The following TMEM132B variants were observed in gnomAD, a reference collection of about 807,000 sequenced individuals.
TMEM132B encodes the protein transmembrane protein 132B.
In TMEM132B, 18 loss-of-function variants were observed where a neutral mutation model predicts 90.8. The ratio of observed to expected loss-of-function variants is 0.20; its 90% CI spans 0.14 to 0.29. The LOEUF (loss-of-function observed/expected upper bound fraction) is 0.29. Ranked by LOEUF, TMEM132B falls within the 10% of genes least tolerant of loss-of-function variation. TMEM132B has a pLI of 1.00. For missense variants in TMEM132B, 1,096 were observed against 1,326.8 expected, an observed-to-expected ratio of 0.83 and a Z score of 2.70; for synonymous variants, 504 against 523.3, an observed-to-expected ratio of 0.96 and a Z score of 0.50.
chr12:125,269,974 GT>G (rs1458175584), intron 1 of TMEM132B, among the ~76,000 whole-genome samples: 1 of 151,748 alleles, frequency 6.6e-6, no homozygotes, highest in Non-Finnish European at 1.5e-5. Context: ...GAGCCCAGGA[GT>G]TCGAGGCTGC....
chr12:125,298,266 A>ATTCC (rs1875720239), intron 1 of TMEM132B, among the ~76,000 whole-genome samples: 1 of 151,924 alleles, frequency 6.6e-6, no homozygotes, highest in Admixed American at 6.6e-5. Context: ...ACAACAAAAC[A>ATTCC]AAACAAAATG....
chr12:125,606,304 G>C (rs566260677), intron 5 of TMEM132B, among the ~76,000 whole-genome samples: 1 of 145,048 alleles, frequency 6.9e-6, no homozygotes, highest in African/African-American at 2.6e-5. Context: ...GGCAAGGACT[G>C]ATTTCTTTCC....
chr12:125,551,463 T>A (rs1384102084), intron 4 of TMEM132B, among the ~76,000 whole-genome samples: 1 of 152,326 alleles, frequency 6.6e-6, no homozygotes, highest in African/African-American at 2.4e-5. Context: ...TTTTTCAAAA[T>A]TTTTTTCTTA....
rs191190087 is a variant in TMEM132B at position 125,447,637 on chromosome 12, G to A, written c.1106+31960G>A. On this transcript the variant is annotated intron_variant, in intron 3 of 8. Coordinates refer to ENST00000682704, the MANE Select transcript of TMEM132B (RefSeq NM_001366854.1). ...TTTCTTCCTACATCTCTAATCATCT[G>A]GGTTCACTTTTCTTCTGCCTTTATA... 6.6e-5 allele frequency among the ~76,000 whole-genome samples: 10 copies of A among 152,028 alleles called. No homozygotes were observed. In the South Asian group the frequency reaches 1.0e-3, roughly 16 times the overall value.
intron 6 of TMEM132B, among the ~76,000 whole-genome samples, chr12:125,646,090 G>A (rs1886757742): frequency 6.6e-6 from 1 of 152,220 alleles, no homozygotes; most frequent in East Asian, 1.9e-4. Flanking sequence ...GTAGAAATCT[G>A]AACTTCAAAA....
At chr12:125,451,138 G>T (rs1271955038) in intron 3 of TMEM132B, among the ~76,000 whole-genome samples, 1 of 152,142 alleles carries the variant, frequency 6.6e-6, no homozygotes, top group Non-Finnish European at 1.5e-5. Context: ...GGAAAAAATT[G>T]CTATAAAGGA....
At chr12:125,223,237 G>A (rs191103408) in intron 1 of TMEM132B, among the ~76,000 whole-genome samples, 1 of 152,310 alleles carries the variant, frequency 6.6e-6, no homozygotes, top group Admixed American at 6.5e-5. Flanking sequence ...ATGATGCCTT[G>A]AGATATTTTA....
chr12:125,615,347 C>A (rs1265276027), intron 5 of TMEM132B, among the ~76,000 whole-genome samples: 1 of 151,958 alleles, frequency 6.6e-6, no homozygotes, highest in Non-Finnish European at 1.5e-5. Flanking sequence ...ATCTATCTAT[C>A]TATCTAGATG....
At chr12:125,429,896 C>A (rs148986335) in intron 3 of TMEM132B, among the ~76,000 whole-genome samples, 321 of 152,308 alleles carry the variant, frequency 2.1e-3, no homozygotes, top group East Asian at 0.021. Flanking sequence ...GTACTCTTTG[C>A]AAGGAGGGCA....
chr12:125,614,463 T>C (rs560003925), intron 5 of TMEM132B, among the ~76,000 whole-genome samples: 1 of 152,210 alleles, frequency 6.6e-6, no homozygotes, highest in Non-Finnish European at 1.5e-5. Context: ...TTTTTATGGC[T>C]GCATAGTACT....
chr12:125,466,606 G>A (rs897450036), intron 3 of TMEM132B, among the ~76,000 whole-genome samples: 2 of 152,232 alleles, frequency 1.3e-5, no homozygotes, highest in African/African-American at 4.8e-5. Flanking sequence ...ATGTTTCACA[G>A]GAGAATGACT....
intron 1 of TMEM132B, among the ~76,000 whole-genome samples, chr12:125,241,922 C>T (rs539305417): frequency 2.6e-5 from 4 of 152,258 alleles, no homozygotes; most frequent in Admixed American, 6.5e-5. Context: ...CAAATGAAAT[C>T]GGACTAGAAG....
At chr12:125,489,242 G>C (rs541847365) in intron 3 of TMEM132B, among the ~76,000 whole-genome samples, 7 of 152,238 alleles carry the variant, frequency 4.6e-5, no homozygotes, top group African/African-American at 1.7e-4. Context: ...AAGAAATCAG[G>C]TATTTAGCAC....
rs1018092061 is a variant in TMEM132B at position 125,652,777 on chromosome 12, GTC to G, written c.2106+149_2106+150del. The G allele has an allele frequency of 8.4e-6, 8 of 952,640 alleles. No individual in the cohort carries two copies. In the African/African-American group the frequency reaches 1.2e-4, roughly 14 times the overall value. The allele number at this position is 952,640 out of a possible 1,614,324, so 59.0% of individuals were successfully genotyped here. A position where few individuals can be genotyped will look rare whatever the true frequency, so the allele number is the denominator to read the frequency against. ...TCTTGCTTCTTATCCAGGCCACCCTGTCTCTGAGAAAAGTATTCAGTGGCTTA... is the reference window on the plus strand; with the variant it reads ...TCTTGCTTCTTATCCAGGCCACCCTGTCTGAGAAAAGTATTCAGTGGCTTA... On this transcript the variant is annotated intron_variant, in intron 8 of 8. Transcript: ENST00000682704.
chr12:125,411,604 G>A (rs894176158), intron 2 of TMEM132B, among the ~76,000 whole-genome samples: 2 of 152,136 alleles, frequency 1.3e-5, no homozygotes, highest in African/African-American at 4.8e-5. Flanking sequence ...CTGCCTCTGG[G>A]AAGGAAAGTA....
rs556269316 is a variant in TMEM132B, at chr12:125,228,193, C to T, written c.67+41327C>T. On this transcript the variant is annotated intron_variant, in intron 1 of 8. Coordinates refer to ENST00000682704, the MANE Select transcript of TMEM132B (RefSeq NM_001366854.1). ...CATGGAAGACCCCCTGTTTCCGCCT[C>T]TCGGTTTCCGAGCCTCAGAAAGATG... Among the ~76,000 whole-genome samples, 17 of 152,224 alleles carry T rather than the reference C, an allele frequency of 1.1e-4. No homozygotes were observed. The South Asian group carries it at 3.5e-3, about 32-fold the overall frequency.
At chr12:125,203,132 T>C (rs955325310) in intron 1 of TMEM132B, among the ~76,000 whole-genome samples, 6 of 152,180 alleles carry the variant, frequency 3.9e-5, no homozygotes, top group African/African-American at 1.4e-4. Flanking sequence ...ATGAATATTT[T>C]TTTATTTCCT....
At chr12:125,647,539 T>C (rs951064841) in intron 6 of TMEM132B, among the ~76,000 whole-genome samples, 20 of 152,222 alleles carry the variant, frequency 1.3e-4, no homozygotes, top group African/African-American at 4.3e-4. Context: ...ATTTGGCACA[T>C]TTTTCAGGCG....
intron 5 of TMEM132B, among the ~76,000 whole-genome samples, chr12:125,589,441 C>T (rs1885266923): frequency 7.1e-6 from 1 of 141,272 alleles, no homozygotes; most frequent in Non-Finnish European, 1.5e-5. Flanking sequence ...AAGATTGCGC[C>T]ACTGCACCCC....
Sources: gnomAD v4.1 joint callset for allele counts (sites outside exome capture counted in the v4.1 genomes callset) on GRCh38, gnomAD v4.1.1 for gene constraint, MANE v1.5 for transcripts, NCBI Gene and HGNC (gene_info 2026-07-23, HGNC 2026-07-21) for gene names.